CSMD3: variants seen among roughly 807,000 people sequenced by gnomAD.
CSMD3 encodes the protein CUB and sushi domain-containing protein 3.
Under a neutral mutation model 435.2 loss-of-function variants are expected in CSMD3, and 177 were observed. The ratio of observed to expected loss-of-function variants is 0.41; its 90% CI spans 0.36 to 0.46. The LOEUF is 0.46. CSMD3 is among the 20% of genes least tolerant of loss of function. The pLI is 0.34. For synonymous variants in CSMD3, 1,656 were observed against 1,520.5 expected (o/e 1.09, Z -2.07); for missense variants, 4,265 against 4,504.6 (o/e 0.95, Z 1.52).
intron 1 of CSMD3, among the ~76,000 whole-genome samples, chr8:113,375,244 T>A (rs751891181): frequency 5.9e-4 from 90 of 152,234 alleles, no homozygotes; most frequent in Non-Finnish European, 9.1e-4. Context: ...CTAATGTAGC[T>A]CACAAAATAC....
At chr8:112,339,684 C>T (rs547590074) in intron 42 of CSMD3, among the ~76,000 whole-genome samples, 1 of 152,204 alleles carries the variant, frequency 6.6e-6, no homozygotes, top group Non-Finnish European at 1.5e-5. Context: ...CAAACTGATT[C>T]CTTCAGTAGA....
At chr8:112,842,033 C>T (rs1013078779) in intron 11 of CSMD3, among the ~76,000 whole-genome samples, 1 of 151,676 alleles carries the variant, frequency 6.6e-6, no homozygotes, top group Non-Finnish European at 1.5e-5. Context: ...TTCCAGGAGA[C>T]CAAAAAGCTG....
chr8:112,881,444 C>A (rs2081445674), intron 10 of CSMD3, among the ~76,000 whole-genome samples: 1 of 151,918 alleles, frequency 6.6e-6, no homozygotes, highest in South Asian at 2.1e-4. Context: ...ATCTAACAAC[C>A]AAAGTGTTAA....
At chr8:112,770,962 TATA>T (rs780525344) in intron 13 of CSMD3, among the ~76,000 whole-genome samples, 3 of 152,000 alleles carry the variant, frequency 2.0e-5, no homozygotes, top group Non-Finnish European at 2.9e-5. Context: ...GTCAAGATTG[TATA>T]ATAATGTCTG....
chr8:112,277,363 A>T (rs1777697847), intron 59 of CSMD3, among the ~76,000 whole-genome samples: 1 of 152,178 alleles, frequency 6.6e-6, no homozygotes, highest in Non-Finnish European at 1.5e-5. Flanking sequence ...AAAACGTAGC[A>T]AGAGTCACCT....
chr8:113,087,981 A>G (rs1402508143), intron 5 of CSMD3, among the ~76,000 whole-genome samples: 1 of 150,656 alleles, frequency 6.6e-6, no homozygotes, highest in Admixed American at 6.6e-5. Flanking sequence ...GCTAATATCC[A>G]GAATCTACAA....
intron 13 of CSMD3, among the ~76,000 whole-genome samples, chr8:112,798,864 G>T (rs2078891819): frequency 6.6e-6 from 1 of 151,782 alleles, no homozygotes; most frequent in Non-Finnish European, 1.5e-5. Context: ...CCATTTAGAG[G>T]GAGAAGGGGA....
intron 13 of CSMD3, among the ~76,000 whole-genome samples, chr8:112,753,202 T>C (rs751314340): frequency 7.9e-5 from 12 of 152,252 alleles, no homozygotes; most frequent in Middle Eastern, 3.4e-3. Flanking sequence ...GCAGAAATAG[T>C]ATATGAGTTA....
chr8:113,172,552 G>A (rs562012758), intron 4 of CSMD3, among the ~76,000 whole-genome samples: 2 of 152,264 alleles, frequency 1.3e-5, no homozygotes, highest in African/African-American at 4.8e-5. Flanking sequence ...ATCCTCACAA[G>A]AAATGGAACA....
chr8:112,770,633 T>C (rs2078090020), intron 13 of CSMD3, among the ~76,000 whole-genome samples: 1 of 151,992 alleles, frequency 6.6e-6, no homozygotes, highest in South Asian at 2.1e-4. Context: ...ATATCTCTAT[T>C]ATGATTGTTA....
At chr8:112,736,394 T>G (rs1233836208) in intron 13 of CSMD3, among the ~76,000 whole-genome samples, 1 of 152,070 alleles carries the variant, frequency 6.6e-6, no homozygotes, top group Non-Finnish European at 1.5e-5. Context: ...TGACAGGCTT[T>G]CTCAGAACAC....
chr8:113,414,297 A>G (rs1302239605), intron 1 of CSMD3, among the ~76,000 whole-genome samples: 9 of 152,222 alleles, frequency 5.9e-5, no homozygotes, highest in Non-Finnish European at 1.3e-4. Flanking sequence ...GTTAAATACA[A>G]CTTTATTATT....
intron 5 of CSMD3, among the ~76,000 whole-genome samples, chr8:113,043,775 T>A (rs2131298160): frequency 6.6e-6 from 1 of 152,098 alleles, no homozygotes; most frequent in Admixed American, 6.5e-5. Flanking sequence ...AGAAGCAACT[T>A]CTTCCTAAAA....
intron 1 of CSMD3, among the ~76,000 whole-genome samples, chr8:113,329,425 T>A (rs2094010464): frequency 3.3e-5 from 5 of 152,012 alleles, no homozygotes; most frequent in Admixed American, 3.3e-4. Flanking sequence ...TTGAAGATAA[T>A]TCAATGAGAT....
chr8:112,252,536 T>C (rs1815360337), intron 63 of CSMD3, among the ~76,000 whole-genome samples: 1 of 151,778 alleles, frequency 6.6e-6, no homozygotes, highest in African/African-American at 2.4e-5. Flanking sequence ...GCAATCGTTT[T>C]TCTCAATGGC....
At chr8:113,414,824 G>T (rs1317415029) in intron 1 of CSMD3, among the ~76,000 whole-genome samples, 1 of 152,012 alleles carries the variant, frequency 6.6e-6, no homozygotes, top group African/African-American at 2.4e-5. Flanking sequence ...ATAATTAGCT[G>T]GGCGTGGTGG....
At chr8:112,229,940 A>G (rs1812940205) in intron 69 of CSMD3, among the ~76,000 whole-genome samples, 1 of 152,076 alleles carries the variant, frequency 6.6e-6, no homozygotes, top group Non-Finnish European at 1.5e-5. Context: ...TAGGAAGTGC[A>G]TGGGACAATA....
At chr8:112,292,169 G>C (rs868693768) in intron 55 of CSMD3, among the ~76,000 whole-genome samples, 28 of 151,808 alleles carry the variant, frequency 1.8e-4, no homozygotes, top group African/African-American at 5.6e-4. Context: ...ATAGTTTTCA[G>C]AAAAATAAAA....
At chr8:112,935,521 A>G (rs1281993757) in intron 9 of CSMD3, among the ~76,000 whole-genome samples, 2 of 152,082 alleles carry the variant, frequency 1.3e-5, no homozygotes, top group East Asian at 1.9e-4. Context: ...TTTCATGAGC[A>G]TGGGATATCT....
Sources: gnomAD v4.1 joint callset for allele counts (sites outside exome capture counted in the v4.1 genomes callset) on GRCh38, gnomAD v4.1.1 for gene constraint, MANE v1.5 for transcripts, NCBI Gene and HGNC (gene_info 2026-07-23, HGNC 2026-07-21) for gene names.